TSC2: variants seen among roughly 807,000 people sequenced by gnomAD.
TSC2 encodes the protein TSC complex subunit 2, also known as tuberin.
A neutral mutation model predicts 202.2 loss-of-function variants in TSC2; 29 were observed. That is an observed-to-expected ratio of 0.14 (90% CI 0.11 to 0.20). The LOEUF is 0.20. Ranked by LOEUF, TSC2 falls within the 10% of genes least tolerant of loss-of-function variation. The pLI, the probability that TSC2 is intolerant of heterozygous loss-of-function variation, is 1.00. For synonymous variants in TSC2, 1,349 were observed against 1,044.0 expected (o/e 1.29, Z -5.63); for missense variants, 2,429 against 2,420.0 (o/e 1.00, Z -0.08).
chr16:2,065,679 C>T (rs757947922), intron 16 of TSC2, 44 bp downstream of exon 16: 2 of 1,516,752 alleles, frequency 1.3e-6, no homozygotes, highest in African/African-American at 2.7e-5. Context: ...GCGCGCATGG[C>T]TAGCGTCCAC....
In TSC2 at chr16:2,088,618, G is replaced by A. The variant is rs574951361; in HGVS notation, c.*8G>A. ...TTCACCGAGTTTGTGTGAGGCCGGG[G>A]CCCTCCCTCCTGCACTGGCCTTGGA... On this transcript the variant is annotated 3_prime_UTR_variant, in exon 42 of 42. Transcript: ENST00000219476. The A allele has an allele frequency of 2.5e-6, 4 of 1,599,552 alleles. No individual in the cohort carries two copies. The highest frequency in any genetic ancestry group is 3.4e-5 in the Admixed American group (2 of 59,684).
chr16:2,053,215 A>G (rs770890088), intron 3 of TSC2, 127 bp from the exon 4 acceptor site: 3 of 903,334 alleles, frequency 3.3e-6, no homozygotes, highest in Middle Eastern at 3.2e-4. Context: ...CGAGCTTTGG[A>G]GGTGGGGCTC....
At chr16:2,073,965 C>T (rs1358455543) in intron 21 of TSC2, among the ~76,000 whole-genome samples, 1 of 152,398 alleles carries the variant, frequency 6.6e-6, no homozygotes, top group East Asian at 1.9e-4. Context: ...GATGAGAGCC[C>T]AGCATGTCTG....
chr16:2,052,092 CAT>C (rs1171062063), intron 3 of TSC2, among the ~76,000 whole-genome samples: 1 of 152,054 alleles, frequency 6.6e-6, no homozygotes, highest in Non-Finnish European at 1.5e-5. Context: ...AAGCGTCCTG[CAT>C]CCTGTTCTGA....
Position 2,074,271 on chromosome 16 carries a change from C to T in TSC2, c.2427C>T (p.Ser809=), listed in dbSNP as rs182849638. ...CCAGCCAGTGCGTCGTGGCCTTGTC[C>T]ATCTGCAGCGTGGAGATGCCTGACA... The part of the protein sequence containing the change: ...RCASQCVVAL[S]ICSVEMPDII... The change falls in exon 22 of 42, where the codon TCC becomes TCT. Residue 809 remains serine, a synonymous_variant. Coordinates refer to ENST00000219476, the MANE Select transcript of TSC2 (RefSeq NM_000548.5). 418 of 1,613,178 alleles carry T rather than the reference C, an allele frequency of 2.6e-4. No individual in the cohort carries two copies. The highest frequency in any genetic ancestry group is 5.2e-4 in the Admixed American group (31 of 60,022).
At chr16:2,068,368 A>T (rs1311059388) in intron 16 of TSC2, among the ~76,000 whole-genome samples, 1 of 152,126 alleles carries the variant, frequency 6.6e-6, no homozygotes, top group Non-Finnish European at 1.5e-5. Context: ...TATAATTGAA[A>T]AGTAACACAG....
chr16:2,050,121 A>G (rs2084919380), intron 2 of TSC2, among the ~76,000 whole-genome samples: 1 of 151,778 alleles, frequency 6.6e-6, no homozygotes, highest in African/African-American at 2.4e-5. Flanking sequence ...ACGCCCAGCA[A>G]ATTTTTTGTA....
chr16:2,082,079 G>A, intron 31 of TSC2: 1 of 595,636 alleles, frequency 1.7e-6, no homozygotes, highest in East Asian at 2.8e-5. Context: ...CGGGCTCCAG[G>A]AGGCTCTGCG....
rs1596415173 is a variant in TSC2 at position 2,084,223 on chromosome 16, T to C, written c.4006-5T>C. The C allele has an allele frequency of 2.5e-6, 4 of 1,578,998 alleles. No homozygotes were observed. The highest frequency in any genetic ancestry group is 2.6e-6 in the Non-Finnish European group (3 of 1,161,472). On this transcript the variant is annotated splice_region_variant and splice_polypyrimidine_tract_variant and intron_variant, in intron 33 of 41. Coordinates refer to ENST00000219476, the MANE Select transcript of TSC2 (RefSeq NM_000548.5). ...AGGGGTTCTCTTTGGGATGGTCCTTTCTAGTCGTCCTCAGTCTCCAGCCAG... is the reference window on the plus strand; with the variant it reads ...AGGGGTTCTCTTTGGGATGGTCCTTCCTAGTCGTCCTCAGTCTCCAGCCAG...
intron 16 of TSC2, among the ~76,000 whole-genome samples, chr16:2,067,064 C>G (rs2087487927): frequency 6.6e-6 from 1 of 152,092 alleles, no homozygotes; most frequent in Non-Finnish European, 1.5e-5. Context: ...AAAGCTCATC[C>G]TTAAGATGTT....
Position 2,084,994 on chromosome 16 carries a change from G to C in TSC2, c.4537G>C (p.Glu1513Gln). The change falls in exon 35 of 42, where the codon GAG becomes CAG. Residue 1513 changes from glutamate (E) to glutamine (Q), a missense_variant. Transcript: ENST00000219476. Reference protein sequence around the residue: ...QLYHSPFFGDESNKPILLPNE... With the variant: ...QLYHSPFFGDQSNKPILLPNE... The stretch of plus-strand genomic sequence containing the variant: ...CTACCATTCCCCCTTCTTTGGCGAC[G>C]AGTCAAACAAGCCAATCCTGCTGCC... 6.2e-7 allele frequency: 1 copy of C among 1,613,222 alleles called. No homozygotes were observed. Among genetic ancestry groups the C allele is most frequent in the Non-Finnish European group, 8.5e-7 (1 of 1,179,976 alleles).
In TSC2 at chr16:2,084,520, C is replaced by G. The variant is rs45517335; in HGVS notation, c.4298C>G (p.Ser1433Trp). ...GGGGAAAGTGCTGCCTGGTCGGCCT[C>G]GGGCGAAGACAGTCGGGGCCAGCCC... Reference protein sequence around the residue: ...LDGESAAWSASGEDSRGQPEG... With the variant: ...LDGESAAWSAWGEDSRGQPEG... The change falls in exon 34 of 42, where the codon TCG (serine) becomes TGG (tryptophan). Residue 1433 changes from serine to tryptophan, a missense_variant. Physicochemically the swap from Ser to Trp is radical, Grantham distance 177. Coordinates refer to ENST00000219476, the MANE Select transcript of TSC2 (RefSeq NM_000548.5). 6.2e-7 allele frequency: 1 copy of G among 1,609,134 alleles called. No individual in the cohort carries two copies. The highest frequency in any genetic ancestry group is 8.5e-7 in the Non-Finnish European group (1 of 1,178,874).
chr16:2,068,906 G>A (rs1268979257), intron 16 of TSC2: 1 of 150,232 alleles, frequency 6.7e-6, no homozygotes, highest in Non-Finnish European at 1.5e-5. Context: ...ATAAGGAAGC[G>A]AAAATACATT....
chr16:2,050,373 C>T (rs2150994229), intron 2 of TSC2, 27 bp from the exon 3 acceptor site: 1 of 1,611,138 alleles, frequency 6.2e-7, no homozygotes, highest in Non-Finnish European at 8.5e-7. Context: ...AGCACTGGCC[C>T]CTTTTTCTTC....
At chr16:2,055,172 C>T (rs1013978630) in intron 5 of TSC2, 15 of 614,970 alleles carry the variant, frequency 2.4e-5, no homozygotes, top group African/African-American at 1.3e-4. Flanking sequence ...CACAGACCCT[C>T]TGTGCAGCCC....
Position 2,048,049 on chromosome 16 carries a change from C to T in TSC2, c.-46C>T, listed in dbSNP as rs2084560881. 4.2e-6 allele frequency: 6 copies of T among 1,424,874 alleles called. No individual in the cohort carries two copies. The East Asian group carries it at 8.1e-5, about 19-fold the overall frequency. 88.3% of individuals were successfully genotyped at this position (1,424,874 alleles called of 1,614,324 possible). ...CTCCGCGTCGGGGCGGCCCGGAGCG[C>T]GGTGGCGCGGCGCGGGGTAAGTGGC... On this transcript the variant is annotated 5_prime_UTR_variant, in exon 1 of 42. Coordinates refer to ENST00000219476, the MANE Select transcript of TSC2 (RefSeq NM_000548.5).
intron 8 of TSC2, 105 bp downstream of exon 8, chr16:2,056,874 CAA>C: frequency 6.4e-7 from 1 of 1,560,450 alleles, no homozygotes; most frequent in Non-Finnish European, 8.7e-7. Context: ...GGTGGCCAGA[CAA>C]TGGCCTGTTG....
chr16:2,070,381 T>C (rs2088096527), intron 16 of TSC2, 75 bp from the exon 17 acceptor site: 1 of 1,612,238 alleles, frequency 6.2e-7, no homozygotes, highest in South Asian at 1.1e-5. Context: ...CGGCCCCTGC[T>C]CCGGGACAAG....
chr16:2,075,869 C>G lies in TSC2; in HGVS notation c.2616C>G (p.Ser872=), dbSNP rs779843919. 1 of 1,613,200 alleles carries G rather than the reference C, an allele frequency of 6.2e-7. No individual in the cohort carries two copies. The change falls in exon 23 of 42, where the codon TCC becomes TCG. Residue 872 remains serine (S), a synonymous_variant. Coordinates refer to ENST00000219476, the MANE Select transcript of TSC2 (RefSeq NM_000548.5). The stretch of plus-strand genomic sequence containing the variant: ...AGTATGCCAGTGTGTTCGCCATCTC[C>G]CTGCCGTACACCAACCCCTCCAAGT... ...AEQYASVFAI[S]LPYTNPSKFN...
Sources: gnomAD v4.1 joint callset for allele counts (sites outside exome capture counted in the v4.1 genomes callset) on GRCh38, gnomAD v4.1.1 for gene constraint, MANE v1.5 for transcripts, NCBI Gene and HGNC (gene_info 2026-07-23, HGNC 2026-07-21) for gene names.